SCAPER: variants seen among roughly 807,000 people sequenced by gnomAD.
The protein encoded by SCAPER is S phase cyclin A-associated protein in the endoplasmic reticulum.
SCAPER carries 98 observed loss-of-function variants against 182.2 expected under a neutral mutation model. The ratio of observed to expected loss-of-function variants is 0.54; its 90% CI spans 0.46 to 0.64. The LOEUF (loss-of-function observed/expected upper bound fraction) is 0.64, where lower values mean the gene tolerates loss of function less well. Ranked by LOEUF, SCAPER falls within the 30% of genes least tolerant of loss-of-function variation. The pLI is 0.00. For synonymous variants in SCAPER, 605 were observed against 564.6 expected (o/e 1.07, Z -1.01); for missense variants, 1,432 against 1,690.0 (o/e 0.85, Z 2.68).
chr15:76,848,825 G>A (rs2070413530), intron 4 of SCAPER, among the ~76,000 whole-genome samples: 1 of 152,064 alleles, frequency 6.6e-6, no homozygotes, highest in Admixed American at 6.5e-5. Flanking sequence ...ACAGACAGGA[G>A]TGCAGCCCCT....
chr15:76,362,291 G>A (rs574863291), intron 29 of SCAPER, among the ~76,000 whole-genome samples: 383 of 151,742 alleles, frequency 2.5e-3, no homozygotes, highest in Non-Finnish European at 3.5e-3. Flanking sequence ...GTTTTTTAAA[G>A]GTAAATTTGG....
chr15:76,882,432 A>G (rs1307488137), intron 2 of SCAPER, among the ~76,000 whole-genome samples: 2 of 151,880 alleles, frequency 1.3e-5, no homozygotes, highest in African/African-American at 4.8e-5. Flanking sequence ...AAAATCTGTC[A>G]ACCTAGACTT....
rs1051053035 is a variant in SCAPER, at chr15:76,758,398, T to G, written c.1726-4450A>C. 1.2e-4 allele frequency among the ~76,000 whole-genome samples: 18 copies of G among 152,336 alleles called. 1 individual carries two copies. The highest frequency in any genetic ancestry group is 3.8e-4 in the African/African-American group (16 of 41,576). ...TTGTCAAAGACCAGTTGCCCATAAT[T>G]GCATAGGTTTATTTCTGGGTTTTCT... On this transcript the variant is annotated intron_variant, in intron 14 of 31. Transcript: ENST00000563290.
At chr15:76,491,823 G>C (rs1273343642) in intron 24 of SCAPER, among the ~76,000 whole-genome samples, 1 of 152,010 alleles carries the variant, frequency 6.6e-6, no homozygotes, top group Non-Finnish European at 1.5e-5. Flanking sequence ...ATAGAGACGG[G>C]GTTTCACTAT....
chr15:76,795,374 T>C lies in SCAPER; in HGVS notation c.678A>G (p.Val226=). ...CAGTAGAGCCTGTATGATGAGCCTT[T>C]ACCTTGTCAGCCCAACTGACACCTG... ...APTGVSWADK[V]KAHHTGSTAS... is the part of the protein sequence containing the mutation. Residue 226 remains valine (V), a synonymous_variant, in exon 8 of 32, where the codon GTA becomes GTG. Coordinates refer to ENST00000563290, the MANE Select transcript of SCAPER (RefSeq NM_020843.4). 2 of 1,612,014 alleles carry C rather than the reference T, an allele frequency of 1.2e-6. No homozygotes were observed. The highest frequency in any genetic ancestry group is 1.7e-6 in the Non-Finnish European group (2 of 1,178,604).
At chr15:76,695,760 T>A (rs991498309) in intron 20 of SCAPER, among the ~76,000 whole-genome samples, 1 of 152,044 alleles carries the variant, frequency 6.6e-6, no homozygotes, top group Non-Finnish European at 1.5e-5. Context: ...GTGTGAAAAC[T>A]TAGAATATAT....
chr15:76,759,438 C>A (rs547966490), intron 14 of SCAPER, among the ~76,000 whole-genome samples: 1 of 152,270 alleles, frequency 6.6e-6, no homozygotes, highest in East Asian at 1.9e-4. Context: ...TTTTATAAGG[C>A]ACCCACTCCT....
At chr15:76,688,949 C>T (rs907177123) in intron 20 of SCAPER, among the ~76,000 whole-genome samples, 36 of 149,820 alleles carry the variant, frequency 2.4e-4, no homozygotes, top group African/African-American at 5.4e-4. Flanking sequence ...CCTGGGTTCA[C>T]GCCATTCTCC....
At chr15:76,752,636 C>A (rs1019352669) in intron 15 of SCAPER, among the ~76,000 whole-genome samples, 1 of 151,662 alleles carries the variant, frequency 6.6e-6, no homozygotes, top group African/African-American at 2.4e-5. Context: ...GATAAAATTA[C>A]ACCATATCAT....
intron 17 of SCAPER, among the ~76,000 whole-genome samples, chr15:76,710,317 A>C (rs1292919474): frequency 3.9e-5 from 6 of 152,160 alleles, no homozygotes; most frequent in Non-Finnish European, 8.8e-5. Context: ...AAACTAATAC[A>C]GACAGTCCCC....
Position 76,348,746 on chromosome 15 carries a change from G to T in SCAPER, c.4100-10C>A. 1.4e-6 allele frequency: 2 copies of T among 1,444,154 alleles called. No individual in the cohort carries two copies. The highest frequency in any genetic ancestry group is 1.8e-6 in the Non-Finnish European group (2 of 1,082,860). 89.5% of individuals were successfully genotyped at this position (1,444,154 alleles called of 1,614,324 possible). ...GAACCAAGGCATTTCCCTGAGAGGG[G>T]GATAAAAGAGAAAAAAGTTAAATAA... On this transcript the variant is annotated splice_polypyrimidine_tract_variant and intron_variant, in intron 31 of 31. Coordinates refer to ENST00000563290, the MANE Select transcript of SCAPER (RefSeq NM_020843.4).
At chr15:76,579,949 G>T (rs768447176) in intron 22 of SCAPER, among the ~76,000 whole-genome samples, 1 of 152,050 alleles carries the variant, frequency 6.6e-6, no homozygotes, top group Admixed American at 6.6e-5. Flanking sequence ...AATAATAAAA[G>T]GGTCAATTCA....
intron 26 of SCAPER, among the ~76,000 whole-genome samples, chr15:76,412,803 C>T (rs1330547777): frequency 6.6e-6 from 1 of 152,122 alleles, no homozygotes; most frequent in Non-Finnish European, 1.5e-5. Context: ...ATTAGGATTG[C>T]ACAGAGTCTA....
Position 76,348,562 on chromosome 15 carries a change from C to G in SCAPER, c.*71G>C. On this transcript the variant is annotated 3_prime_UTR_variant, in exon 32 of 32. Transcript: ENST00000563290. ...CATGGGAAAATGAGTTCTTAAGGAA[C>G]AATTAGAATGTTTGTTTGGACAATT... 1 of 1,058,406 alleles carries G rather than the reference C, an allele frequency of 9.4e-7. No homozygotes were observed. Among genetic ancestry groups the G allele is most frequent in the Non-Finnish European group, 1.4e-6 (1 of 728,450 alleles). The allele number at this position is 1,058,406 out of a possible 1,614,324, so 65.6% of individuals were successfully genotyped here.
chr15:76,463,347 A>G (rs1567190789), intron 25 of SCAPER, among the ~76,000 whole-genome samples: 1 of 152,170 alleles, frequency 6.6e-6, no homozygotes, highest in Non-Finnish European at 1.5e-5. Context: ...ATGAAAATCA[A>G]CAGGCACCTG....
intron 23 of SCAPER, among the ~76,000 whole-genome samples, chr15:76,553,892 C>T (rs2045978382): frequency 6.6e-6 from 1 of 152,168 alleles, no homozygotes; most frequent in Non-Finnish European, 1.5e-5. Context: ...AGAACTAGTG[C>T]AAGAATTCTG....
chr15:76,600,955 T>G (rs1268689321), intron 22 of SCAPER, among the ~76,000 whole-genome samples: 1 of 119,748 alleles, frequency 8.4e-6, no homozygotes, highest in African/African-American at 2.5e-5. Context: ...AAAGGACCAA[T>G]AAAAAACAAC....
At chr15:76,894,891 T>A (rs900311402) in intron 1 of SCAPER, among the ~76,000 whole-genome samples, 25 of 152,068 alleles carry the variant, frequency 1.6e-4, no homozygotes, top group African/African-American at 6.0e-4. Context: ...GATTTTTTAA[T>A]AAAAAACTCA....
chr15:76,464,598 T>C (rs2049451436), intron 25 of SCAPER, among the ~76,000 whole-genome samples: 2 of 152,174 alleles, frequency 1.3e-5, no homozygotes, highest in Admixed American at 1.3e-4. Flanking sequence ...TTCAAACTTG[T>C]AGTGTTTAAG....
Sources: gnomAD v4.1 joint callset for allele counts (sites outside exome capture counted in the v4.1 genomes callset) on GRCh38, gnomAD v4.1.1 for gene constraint, MANE v1.5 for transcripts, NCBI Gene and HGNC (gene_info 2026-07-23, HGNC 2026-07-21) for gene names.